Variants in NOX4 observed in about 807,000 individuals in gnomAD.
NOX4 encodes kidney oxidase-1.
In NOX4, 69 loss-of-function variants were observed where a neutral mutation model predicts 87.6. That is an observed-to-expected ratio of 0.79 (90% CI 0.65 to 0.96). The LOEUF (loss-of-function observed/expected upper bound fraction) is 0.96. NOX4 is among the 40% of genes least tolerant of loss of function. The probability of loss-of-function intolerance (pLI) is 0.00; values close to 1 mark genes in which losing one functional copy is unlikely to be tolerated. For synonymous variants in NOX4, 275 were observed against 238.2 expected, an observed-to-expected ratio of 1.15 and a Z score of -1.42; for missense variants, 680 against 681.5, an observed-to-expected ratio of 1.00 and a Z score of 0.02.
chr11:89,438,529 T>G (rs1944217683), intron 6 of NOX4, among the ~76,000 whole-genome samples: 1 of 90,656 alleles, frequency 1.1e-5, no homozygotes, highest in Admixed American at 2.0e-4. Flanking sequence ...ATATACTATA[T>G]ATTACACACT....
chr11:89,580,182 A>G, the NOX4 span, among the ~76,000 whole-genome samples: 1 of 151,958 alleles, frequency 6.6e-6, no homozygotes, highest in East Asian at 1.9e-4. Flanking sequence ...AAGATATACT[A>G]TTTATTTATT....
At chr11:89,375,374 C>T (rs556457194) in intron 11 of NOX4, among the ~76,000 whole-genome samples, 2 of 152,196 alleles carry the variant, frequency 1.3e-5, no homozygotes, top group South Asian at 2.1e-4. Context: ...GGCACGATCT[C>T]GGCTCAATGC....
the NOX4 span, among the ~76,000 whole-genome samples, chr11:89,578,368 G>T: frequency 6.6e-6 from 1 of 151,980 alleles, no homozygotes; most frequent in Non-Finnish European, 1.5e-5. Flanking sequence ...CACCATGTTG[G>T]CCAGGATGGT....
intron 11 of NOX4, among the ~76,000 whole-genome samples, chr11:89,397,968 A>G (rs1469237513): frequency 6.6e-6 from 1 of 152,172 alleles, no homozygotes; most frequent in Non-Finnish European, 1.5e-5. Context: ...TCATTTTATG[A>G]GGCCAGCACC....
intron 2 of NOX4, among the ~76,000 whole-genome samples, chr11:89,467,292 A>C (rs1945739289): frequency 7.3e-6 from 1 of 137,184 alleles, no homozygotes; most frequent in Non-Finnish European, 1.5e-5. Context: ...TGGAGCTTGC[A>C]GTGAGGCCAG....
chr11:89,483,194 C>A (rs909215634), intron 2 of NOX4, among the ~76,000 whole-genome samples: 1 of 151,962 alleles, frequency 6.6e-6, no homozygotes, highest in South Asian at 2.1e-4. Flanking sequence ...GTGTCTGACA[C>A]GTCATATATA....
At chr11:89,402,913 AT>A (rs1941959712) in intron 8 of NOX4, among the ~76,000 whole-genome samples, 1 of 152,168 alleles carries the variant, frequency 6.6e-6, no homozygotes, top group Non-Finnish European at 1.5e-5. Context: ...AATGAGGAAT[AT>A]TTTGCTAGAT....
intron 11 of NOX4, among the ~76,000 whole-genome samples, chr11:89,395,535 T>C (rs568033951): frequency 3.2e-4 from 49 of 152,316 alleles, no homozygotes; most frequent in African/African-American, 1.2e-3. Flanking sequence ...ATTTTGGCTT[T>C]TTTTGCTTTG....
At chr11:89,450,500 G>T (rs1242210157) in intron 3 of NOX4, among the ~76,000 whole-genome samples, 1 of 152,066 alleles carries the variant, frequency 6.6e-6, no homozygotes, top group African/African-American at 2.4e-5. Context: ...TTGTTGATTA[G>T]CAGAATGACT....
chr11:89,425,446 C>T (rs988048717), intron 7 of NOX4, among the ~76,000 whole-genome samples: 1 of 140,892 alleles, frequency 7.1e-6, no homozygotes, highest in African/African-American at 2.7e-5. Flanking sequence ...CTACCCAAAA[C>T]ATTTAGTAAT....
At chr11:89,411,116 C>T (rs1425002979) in intron 8 of NOX4, among the ~76,000 whole-genome samples, 2 of 152,124 alleles carry the variant, frequency 1.3e-5, no homozygotes, top group South Asian at 2.1e-4. Flanking sequence ...TCTAGACACA[C>T]CCTGGGCAAG....
the NOX4 span, among the ~76,000 whole-genome samples, chr11:89,516,591 A>G: frequency 7.8e-3 from 1,191 of 152,068 alleles, 17 homozygotes; most frequent in African/African-American, 0.027. Flanking sequence ...GTTCAGCACT[A>G]TTTTTCAAGT....
chr11:89,381,729 T>C (rs1220320013), intron 11 of NOX4, among the ~76,000 whole-genome samples: 1 of 152,192 alleles, frequency 6.6e-6, no homozygotes, highest in African/African-American at 2.4e-5. Context: ...TCCCCTGTCC[T>C]CCTGCTCTTT....
the NOX4 span, among the ~76,000 whole-genome samples, chr11:89,569,005 A>C: frequency 6.6e-6 from 1 of 152,214 alleles, no homozygotes; most frequent in Non-Finnish European, 1.5e-5. Context: ...ACTATAAACA[A>C]AAGTCAGGAT....
At chr11:89,572,623 C>G in the NOX4 span, among the ~76,000 whole-genome samples, 1 of 152,174 alleles carries the variant, frequency 6.6e-6, no homozygotes, top group African/African-American at 2.4e-5. Context: ...AATCTAGGCT[C>G]ACTGCAAGCT....
chr11:89,451,141 C>T (rs986339058), intron 3 of NOX4, among the ~76,000 whole-genome samples: 4 of 151,496 alleles, frequency 2.6e-5, no homozygotes, highest in Non-Finnish European at 5.9e-5. Context: ...TACAGCACAC[C>T]AACATGGCAC....
At chr11:89,577,195 TAGAG>T in the NOX4 span, 5 of 152,100 alleles carry the variant, frequency 3.3e-5, no homozygotes, top group Admixed American at 2.0e-4. Context: ...TTTACTAGCA[TAGAG>T]AATTACCCAA....
chr11:89,347,258 C>T (rs1946255086), intron 13 of NOX4, among the ~76,000 whole-genome samples: 1 of 152,152 alleles, frequency 6.6e-6, no homozygotes, highest in East Asian at 1.9e-4. Flanking sequence ...TCACCCAGAG[C>T]CACCTCTACC....
the NOX4 span, among the ~76,000 whole-genome samples, chr11:89,568,482 G>A: frequency 3.9e-5 from 6 of 152,122 alleles, no homozygotes; most frequent in East Asian, 1.2e-3. Flanking sequence ...ACCAGAGAAG[G>A]GAAAGATCTC....
Sources: gnomAD v4.1 joint callset for allele counts (sites outside exome capture counted in the v4.1 genomes callset) on GRCh38, gnomAD v4.1.1 for gene constraint, MANE v1.5 for transcripts, NCBI Gene and HGNC (gene_info 2026-07-23, HGNC 2026-07-21) for gene names.